The following SCAI variants were observed in gnomAD, a reference collection of about 807,000 sequenced individuals.
SCAI encodes protein SCAI.
In SCAI, 24 loss-of-function variants were observed where a neutral mutation model predicts 92.2. The ratio of observed to expected loss-of-function variants is 0.26; its 90% CI spans 0.19 to 0.37. The LOEUF is 0.37. SCAI is among the 10% of genes least tolerant of loss of function. The probability of loss-of-function intolerance (pLI) is 1.00; values close to 1 mark genes in which losing one functional copy is unlikely to be tolerated. For synonymous variants in SCAI, 261 were observed against 258.6 expected (o/e 1.01, Z -0.09); for missense variants, 450 against 736.2 (o/e 0.61, Z 4.50).
intron 17 of SCAI, among the ~76,000 whole-genome samples, chr9:124,962,608 A>G (rs1482008730): frequency 2.6e-5 from 4 of 152,082 alleles, no homozygotes; most frequent in East Asian, 3.9e-4. Flanking sequence ...TTCTTTTTTT[A>G]CAACACTCCT....
chr9:125,130,425 C>T (rs780278698), intron 2 of SCAI, among the ~76,000 whole-genome samples: 1 of 152,002 alleles, frequency 6.6e-6, no homozygotes, highest in African/African-American at 2.4e-5. Flanking sequence ...CAACTAGGTT[C>T]GTCAAAATTC....
In SCAI at chr9:125,091,622, T is replaced by C. The variant is rs1324527215; in HGVS notation, c.99-35615A>G. ...GGGCTACTAAATAGGGCTGAAGAAA[T>C]ACACATAATCATGCTGACTGATCTC... On this transcript the variant is annotated intron_variant, in intron 2 of 17. Coordinates refer to ENST00000336505, the MANE Select transcript of SCAI (RefSeq NM_001144877.3). The surrounding 1 kb of genome is among the most constrained non-coding windows in gnomAD (Gnocchi z 4.3). Among the ~76,000 whole-genome samples the C allele has an allele frequency of 5.3e-5, 8 of 152,166 alleles. No individual in the cohort carries two copies. Among genetic ancestry groups the C allele is most frequent in the Admixed American group, 5.2e-4 (8 of 15,278 alleles).
At chr9:125,104,603 T>TAAAAA (rs34277435) in intron 2 of SCAI, among the ~76,000 whole-genome samples, 1 of 130,416 alleles carries the variant, frequency 7.7e-6, no homozygotes. Flanking sequence ...TGTTTTACTT[T>TAAAAA]AAAAAAAAAA....
chr9:124,987,878 G>T (rs1252617157), intron 14 of SCAI, among the ~76,000 whole-genome samples: 1 of 152,024 alleles, frequency 6.6e-6, no homozygotes, highest in Non-Finnish European at 1.5e-5. Flanking sequence ...CAGGAGAATC[G>T]CTTGAACCCG....
intron 1 of SCAI, among the ~76,000 whole-genome samples, chr9:125,143,126 T>C (rs1416617193): frequency 4.7e-5 from 7 of 149,482 alleles, no homozygotes; most frequent in Admixed American, 3.3e-4. Context: ...GCGCCCGCCT[T>C]GCCCCTCCCG....
chr9:125,088,121 A>G (rs1834360334), intron 2 of SCAI, among the ~76,000 whole-genome samples: 2 of 152,066 alleles, frequency 1.3e-5, no homozygotes, highest in Non-Finnish European at 2.9e-5. Flanking sequence ...TTTTTGAGAC[A>G]GGGTCTCACT....
chr9:125,093,115 C>T (rs1466283509), intron 2 of SCAI, among the ~76,000 whole-genome samples: 1 of 152,218 alleles, frequency 6.6e-6, no homozygotes, highest in Non-Finnish European at 1.5e-5. Flanking sequence ...AATCCCAACA[C>T]TTTGGGAGGC....
chr9:125,047,240 T>C (rs759260815), intron 3 of SCAI, among the ~76,000 whole-genome samples: 13 of 152,078 alleles, frequency 8.5e-5, no homozygotes, highest in Admixed American at 3.9e-4. Context: ...CATTAGGACA[T>C]ACAAAGAGGC....
chr9:124,953,004 A>G (rs757254608), intron 17 of SCAI, 51 bp from the exon 18 acceptor site: 1 of 1,434,206 alleles, frequency 7.0e-7, no homozygotes, highest in Non-Finnish European at 9.8e-7. Context: ...ATGAAAGAAA[A>G]TTATACACAT....
intron 3 of SCAI, among the ~76,000 whole-genome samples, chr9:125,030,845 TAGCTGCA>T (rs1489753824): frequency 6.6e-6 from 1 of 152,148 alleles, no homozygotes; most frequent in Non-Finnish European, 1.5e-5. Context: ...AGAAAAGAAT[TAGCTGCA>T]AGCGGAGTTG....
chr9:124,976,226 G>A (rs918858199), intron 14 of SCAI, 40 bp from the exon 15 acceptor site: 1 of 1,364,366 alleles, frequency 7.3e-7, no homozygotes, highest in Non-Finnish European at 1.0e-6. Flanking sequence ...TTAAAGATTT[G>A]ACCAAAGATA....
chr9:125,096,763 C>G (rs1834561446), intron 2 of SCAI, among the ~76,000 whole-genome samples: 1 of 152,208 alleles, frequency 6.6e-6, no homozygotes, highest in Non-Finnish European at 1.5e-5. Context: ...GTTTATCACA[C>G]TCAATAACTG....
In SCAI at chr9:125,091,608, T is replaced by C. The variant is rs564116596; in HGVS notation, c.99-35601A>G. Among the ~76,000 whole-genome samples, 1 of 152,316 alleles carries C rather than the reference T, an allele frequency of 6.6e-6. No homozygotes were observed. The highest frequency in any genetic ancestry group is 2.4e-5 in the African/African-American group (1 of 41,566). ...CCATGCTTGCACCTGGGCTACTAAA[T>C]AGGGCTGAAGAAATACACATAATCA... is the stretch of plus-strand genomic sequence containing the variant. On this transcript the variant is annotated intron_variant, in intron 2 of 17. Coordinates refer to ENST00000336505, the MANE Select transcript of SCAI (RefSeq NM_001144877.3). The surrounding 1 kb of genome is among the most constrained non-coding windows in gnomAD (Gnocchi z 4.3).
intron 2 of SCAI, among the ~76,000 whole-genome samples, chr9:125,094,161 TG>T (rs1279438443): frequency 1.3e-5 from 2 of 152,250 alleles, no homozygotes; most frequent in African/African-American, 4.8e-5. Context: ...AATCTTCACA[TG>T]GTTTCCCATC....
chr9:125,062,023 G>T (rs1035262120), intron 2 of SCAI, among the ~76,000 whole-genome samples: 6 of 152,072 alleles, frequency 3.9e-5, no homozygotes, highest in African/African-American at 1.4e-4. Context: ...ATTGAAAGGG[G>T]AATAAATGGA....
At chr9:125,008,463 G>A (rs1471822251) in intron 9 of SCAI, among the ~76,000 whole-genome samples, 2 of 152,102 alleles carry the variant, frequency 1.3e-5, no homozygotes, top group Non-Finnish European at 2.9e-5. Flanking sequence ...TAGAAATGGG[G>A]TTTCATCATG....
chr9:125,021,582 C>T (rs1045542816), intron 6 of SCAI, among the ~76,000 whole-genome samples: 13 of 152,182 alleles, frequency 8.5e-5, no homozygotes, highest in African/African-American at 3.1e-4. Context: ...ACACATAACA[C>T]TTTACACTTA....
At chr9:125,135,037 T>C (rs892769111) in intron 2 of SCAI, among the ~76,000 whole-genome samples, 5 of 152,176 alleles carry the variant, frequency 3.3e-5, no homozygotes, top group African/African-American at 1.2e-4. Context: ...TTAAATAGTA[T>C]CACATTATTT....
intron 2 of SCAI, among the ~76,000 whole-genome samples, chr9:125,132,347 C>T (rs1470901935): frequency 1.3e-5 from 2 of 152,056 alleles, no homozygotes; most frequent in South Asian, 4.2e-4. Context: ...CTCCTGACCT[C>T]ATGACCCACC....
Sources: allele counts gnomAD v4.1 joint callset (sites outside exome capture counted in the v4.1 genomes callset), GRCh38; gene constraint gnomAD v4.1.1; non-coding constraint Gnocchi (gnomAD v3.1); transcripts MANE v1.5; gene names NCBI Gene and HGNC (gene_info 2026-07-23, HGNC 2026-07-21).